CDC14B: variants seen among roughly 807,000 people sequenced by gnomAD.
CDC14B encodes cell division cycle 14B.
In CDC14B, 22 loss-of-function variants were observed where a neutral mutation model predicts 64.2. That is an observed-to-expected ratio of 0.34 (90% CI 0.24 to 0.49). CDC14B has a LOEUF of 0.49. Among genes scored for constraint, CDC14B ranks in the 20% least tolerant of loss-of-function variants. CDC14B has a pLI of 0.99. For missense variants in CDC14B, 498 were observed against 629.9 expected, an observed-to-expected ratio of 0.79 and a Z score of 2.24; for synonymous variants, 191 against 215.8, an observed-to-expected ratio of 0.89 and a Z score of 1.01.
chr9:96,551,110 G>GATTTTTTTTTTTTTTTTT (rs1841741325), intron 5 of CDC14B, among the ~76,000 whole-genome samples: 1 of 65,972 alleles, frequency 1.5e-5, no homozygotes, highest in Non-Finnish European at 2.4e-5. Flanking sequence ...TTTGGGGTTT[G>GATTTTTTTTTTTTTTTTT]CTTTTTTTTT....
At chr9:96,590,742 T>C (rs1845740686) in intron 1 of CDC14B, among the ~76,000 whole-genome samples, 2 of 152,090 alleles carry the variant, frequency 1.3e-5, no homozygotes, top group Non-Finnish European at 2.9e-5. Context: ...AGCATCTTTT[T>C]TCTTTTTTAG....
At chr9:96,551,111 CTTTTTTT>C (rs202193145) in intron 5 of CDC14B, among the ~76,000 whole-genome samples, 1 of 93,296 alleles carries the variant, frequency 1.1e-5, no homozygotes, top group South Asian at 5.7e-4. Context: ...TTGGGGTTTG[CTTTTTTT>C]TTTTTTTTTT....
Position 96,619,475 on chromosome 9 carries a change from G to C in CDC14B, c.-97C>G. ...CCAGCCCCGCGCGGGCGCTCGGGGC[G>C]GCGGGCGCAGAGCGGCGCTGCGGGG... On this transcript the variant is annotated 5_prime_UTR_variant, in exon 1 of 14. Coordinates refer to ENST00000375241, the MANE Select transcript of CDC14B (RefSeq NM_033331.4). The C allele has an allele frequency of 7.7e-6, 5 of 646,078 alleles. No homozygotes were observed. The highest frequency in any genetic ancestry group is 7.6e-6 in the Non-Finnish European group (4 of 522,920). 40.0% of individuals were successfully genotyped at this position (646,078 alleles called of 1,614,324 possible). A position where few individuals can be genotyped will look rare whatever the true frequency, so the allele number is the denominator to read the frequency against.
chr9:96,541,618 C>T (rs1840078573), intron 6 of CDC14B, among the ~76,000 whole-genome samples: 1 of 152,222 alleles, frequency 6.6e-6, no homozygotes, highest in Admixed American at 6.5e-5. Flanking sequence ...TTTCCCCCAA[C>T]TCATACATAG....
chr9:96,517,428 G>C lies in CDC14B; in HGVS notation c.1343+5078C>G, dbSNP rs539502096. 8.4e-4 allele frequency among the ~76,000 whole-genome samples: 124 copies of C among 147,608 alleles called. 2 individuals carry two copies. Among genetic ancestry groups the C allele is most frequent in the Non-Finnish European group, 2.2e-4 (15 of 66,890 alleles). On this transcript the variant is annotated intron_variant, in intron 12 of 13. Coordinates refer to ENST00000375241, the MANE Select transcript of CDC14B (RefSeq NM_033331.4). ...AGCACTTTGGGAGGCTGAGGCGGGC[G>C]GATCACGAGGTCAGGAGATCAAGAC...
rs1229938533 is a variant in CDC14B, at chr9:96,502,098, C to G, written c.*1655G>C. On this transcript the variant is annotated 3_prime_UTR_variant, in exon 14 of 14. Transcript: ENST00000375241. ...TATTGAAGAGTAGTCTGCCCACAGCCAAGTGGGTCTTTGTGCCTATTCATT... is the reference window on the plus strand; with the variant it reads ...TATTGAAGAGTAGTCTGCCCACAGCGAAGTGGGTCTTTGTGCCTATTCATT... 5 of 152,186 alleles carry G rather than the reference C, an allele frequency of 3.3e-5. No individual in the cohort carries two copies. Among genetic ancestry groups the G allele is most frequent in the Admixed American group, 3.3e-4 (5 of 15,280 alleles). The allele number at this position is 152,186 out of a possible 1,614,324, so 9.4% of individuals were successfully genotyped here.
At chr9:96,570,553 G>A (rs190956415) in intron 1 of CDC14B, among the ~76,000 whole-genome samples, 1 of 152,294 alleles carries the variant, frequency 6.6e-6, no homozygotes, top group East Asian at 1.9e-4. Context: ...TGAACAGATT[G>A]TCCCTCAGAG....
rs546250312 is a variant in CDC14B at position 96,527,377 on chromosome 9, C to A, written c.947-3652G>T. Among the ~76,000 whole-genome samples, 27 of 152,056 alleles carry A rather than the reference C, an allele frequency of 1.8e-4. No individual in the cohort carries two copies. The South Asian group carries it at 5.2e-3, about 29-fold the overall frequency. ...TCGTGCCACTGCACTCCAGCCTAGG[C>A]GACAGAGCAAGACTCCGTCTCAAAA... On this transcript the variant is annotated intron_variant, in intron 9 of 13. Coordinates refer to ENST00000375241, the MANE Select transcript of CDC14B (RefSeq NM_033331.4).
chr9:96,585,918 A>T (rs1845432117), intron 1 of CDC14B, among the ~76,000 whole-genome samples: 1 of 152,260 alleles, frequency 6.6e-6, no homozygotes, highest in South Asian at 2.1e-4. Flanking sequence ...ACCGCTCAGC[A>T]GTAACAAAGG....
chr9:96,536,605 CTGAG>C (rs1303498598), intron 7 of CDC14B, among the ~76,000 whole-genome samples: 1 of 152,176 alleles, frequency 6.6e-6, no homozygotes, highest in Non-Finnish European at 1.5e-5. Flanking sequence ...ACAGAAACAA[CTGAG>C]TGTCATTATT....
chr9:96,568,609 T>G (rs1844281875), intron 1 of CDC14B, among the ~76,000 whole-genome samples: 1 of 152,036 alleles, frequency 6.6e-6, no homozygotes, highest in Non-Finnish European at 1.5e-5. Context: ...TTGGGAGAAA[T>G]GTTTAAGACT....
intron 13 of CDC14B, among the ~76,000 whole-genome samples, chr9:96,495,028 G>A (rs1228914209): frequency 6.6e-6 from 1 of 151,644 alleles, no homozygotes; most frequent in Non-Finnish European, 1.5e-5. Flanking sequence ...TAGAGACGGG[G>A]TTTCACCGTG....
At chr9:96,596,361 T>G (rs1846074379) in intron 1 of CDC14B, among the ~76,000 whole-genome samples, 1 of 116,672 alleles carries the variant, frequency 8.6e-6, no homozygotes, top group African/African-American at 4.5e-5. Flanking sequence ...CAAGACTCCA[T>G]CTCAAAAAAA....
intron 1 of CDC14B, among the ~76,000 whole-genome samples, chr9:96,618,301 C>T (rs1847765756): frequency 6.6e-6 from 1 of 152,224 alleles, no homozygotes; most frequent in South Asian, 2.1e-4. Context: ...TGAAAACAGA[C>T]TGCCAATTCC....
chr9:96,612,075 C>T (rs1847354911), intron 1 of CDC14B, among the ~76,000 whole-genome samples: 1 of 152,136 alleles, frequency 6.6e-6, no homozygotes, highest in African/African-American at 2.4e-5. Context: ...TGGTTTATTC[C>T]TCCTTTTACA....
At chr9:96,607,775 G>A (rs1320561604) in intron 1 of CDC14B, among the ~76,000 whole-genome samples, 3 of 152,104 alleles carry the variant, frequency 2.0e-5, no homozygotes, top group Non-Finnish European at 4.4e-5. Context: ...AATGTGGGAC[G>A]GGTCTGGGGA....
At chr9:96,567,707 C>CA (rs915021398) in intron 1 of CDC14B, among the ~76,000 whole-genome samples, 5 of 151,756 alleles carry the variant, frequency 3.3e-5, no homozygotes, top group Admixed American at 1.3e-4. Context: ...GTAATGGGCA[C>CA]AAAAAAATAG....
At chr9:96,509,374 T>C (rs909491535) in intron 13 of CDC14B, among the ~76,000 whole-genome samples, 13 of 152,188 alleles carry the variant, frequency 8.5e-5, no homozygotes, top group Non-Finnish European at 1.5e-4. Flanking sequence ...CCTAGAAAAA[T>C]GTCCTCCAAG....
rs918165384 is a variant in CDC14B at position 96,618,143 on chromosome 9, G to A, written c.160+1076C>T. On this transcript the variant is annotated intron_variant, in intron 1 of 13. Coordinates refer to ENST00000375241, the MANE Select transcript of CDC14B (RefSeq NM_033331.4). ...AGTTTCCAGATTGTCCATGAACCTA[G>A]AATATTATTTCTCCTAAACGTCTGT... Among the ~76,000 whole-genome samples, 10 of 152,300 alleles carry A rather than the reference G, an allele frequency of 6.6e-5. No individual in the cohort carries two copies. The South Asian group carries it at 1.9e-3, about 28-fold the overall frequency.
Sources: allele counts gnomAD v4.1 joint callset (sites outside exome capture counted in the v4.1 genomes callset), GRCh38; gene constraint gnomAD v4.1.1; transcripts MANE v1.5; gene names NCBI Gene and HGNC (gene_info 2026-07-23, HGNC 2026-07-21).